The following LGALS3 variants were observed in gnomAD, a reference collection of about 807,000 sequenced individuals.
LGALS3 encodes the protein galectin-3.
In LGALS3, 18 loss-of-function variants were observed where a neutral mutation model predicts 20.7. That is an observed-to-expected ratio of 0.87 (90% confidence interval 0.60 to 1.29). LGALS3 has a LOEUF of 1.29. Ranked by LOEUF, LGALS3 falls within the 50% of genes most tolerant of loss-of-function variation. The probability of loss-of-function intolerance (pLI) is 0.00; values close to 1 mark genes in which losing one functional copy is unlikely to be tolerated. For synonymous variants in LGALS3, 112 were observed against 119.6 expected (o/e 0.94, Z 0.42); for missense variants, 315 against 314.7 (o/e 1.00, Z -0.01).
intron 5 of LGALS3, 74 bp from the exon 6 acceptor site, chr14:55,145,042 T>C: frequency 8.6e-7 from 1 of 1,165,488 alleles, no homozygotes; most frequent in Non-Finnish European, 1.3e-6. Context: ...GAAATATGTA[T>C]ATATTGTGGA....
chr14:55,137,634 G>T, intron 2 of LGALS3: 1 of 1,436,308 alleles, frequency 7.0e-7, no homozygotes, highest in South Asian at 1.5e-5. Flanking sequence ...AAGGCCCAGG[G>T]CGGAAGGGAG....
In LGALS3 at chr14:55,138,341, C is replaced by T. The variant is rs772897735; in HGVS notation, c.315C>T (p.Gly105=). Residue 105 remains glycine, a synonymous_variant, in exon 3 of 6, where the codon GGC becomes GGT. Coordinates refer to ENST00000254301, the MANE Select transcript of LGALS3 (RefSeq NM_002306.4). ...CCACCGGAGCCTACCCTGCCACTGG[C>T]CCCTATGGCGCCCCTGCTGGGCCAC... ...PSATGAYPAT[G]PYGAPAGPLI... The T allele has an allele frequency of 8.7e-6, 14 of 1,612,752 alleles. No individual in the cohort carries two copies. The highest frequency in any genetic ancestry group is 3.3e-5 in the Admixed American group (2 of 59,980).
intron 1 of LGALS3, among the ~76,000 whole-genome samples, chr14:55,135,560 G>GTTTTTTTTT (rs762172869): frequency 3.8e-5 from 4 of 106,566 alleles, no homozygotes; most frequent in African/African-American, 1.3e-4. Flanking sequence ...ATATTTTATG[G>GTTTTTTTTT]TTTTTTTTTT....
In LGALS3 at chr14:55,138,107, GA is replaced by G. The variant is rs1322142149; in HGVS notation, c.83del (p.Asn28ThrfsTer87). 6.5e-7 allele frequency: 1 copy of G among 1,539,292 alleles called. No homozygotes were observed. The highest frequency in any genetic ancestry group is 8.7e-7 in the Non-Finnish European group (1 of 1,147,170). ...CTCAAGGATGGCCTGGCGCATGGGG[GA>G]ACCAGCCTGCTGGGGCAGGGGGCTA... ...NPQGWPGAWGNQPAGAGGYPG... is the reference protein window; with the variant it reads ...NPQGWPGAWGXQPAGAGGYPG... On this transcript the variant is annotated frameshift_variant, in exon 3 of 6. Transcript: ENST00000254301. LOFTEE classifies it high-confidence loss of function.
Position 55,145,327 on chromosome 14 carries a change from G to T in LGALS3, c.*56G>T. 2 of 1,606,324 alleles carry T rather than the reference G, an allele frequency of 1.2e-6. No homozygotes were observed. The highest frequency in any genetic ancestry group is 1.7e-6 in the Non-Finnish European group (2 of 1,177,932). On this transcript the variant is annotated 3_prime_UTR_variant, in exon 6 of 6. Coordinates refer to ENST00000254301, the MANE Select transcript of LGALS3 (RefSeq NM_002306.4). ...GAATCTAAACCTTACATGTGTAAAG[G>T]TTTCATGTTCACTGTGAGTGAAAAT... is the stretch of plus-strand genomic sequence containing the variant.
chr14:55,137,504 C>A, intron 2 of LGALS3, 113 bp downstream of exon 2: 1 of 1,607,766 alleles, frequency 6.2e-7, no homozygotes. Flanking sequence ...GTGGCTTCCC[C>A]TGGACTCATT....
At chr14:55,143,609 A>T (rs547547001) in intron 5 of LGALS3, 2 of 204,482 alleles carry the variant, frequency 9.8e-6, no homozygotes, top group Non-Finnish European at 2.1e-5. Context: ...TTCTGTAGAG[A>T]CGGGGTTTCA....
intron 4 of LGALS3, 124 bp from the exon 5 acceptor site, chr14:55,142,460 T>A: frequency 3.1e-6 from 2 of 642,010 alleles, no homozygotes; most frequent in Non-Finnish European, 5.2e-6. Context: ...TTGCTTTCCA[T>A]TCAGAAAAAT....
chr14:55,142,789 T>G, intron 5 of LGALS3, 40 bp downstream of exon 5: 1 of 1,503,546 alleles, frequency 6.7e-7, no homozygotes, highest in Non-Finnish European at 9.2e-7. Flanking sequence ...AATGTATATT[T>G]CTCATGAGGA....
chr14:55,136,568 G>A (rs1217832906), intron 1 of LGALS3, among the ~76,000 whole-genome samples: 1 of 151,470 alleles, frequency 6.6e-6, no homozygotes, highest in East Asian at 1.9e-4. Flanking sequence ...ATATATTTAT[G>A]GCATACGTTA....
At chr14:55,139,981 T>G (rs1446785551) in intron 3 of LGALS3, among the ~76,000 whole-genome samples, 1 of 152,194 alleles carries the variant, frequency 6.6e-6, no homozygotes. Context: ...AATGTTAATG[T>G]TGATCACAAG....
At chr14:55,130,854 G>A (rs1881213350) in intron 1 of LGALS3, among the ~76,000 whole-genome samples, 1 of 152,050 alleles carries the variant, frequency 6.6e-6, no homozygotes. Context: ...GATTATAGGC[G>A]TGGGCCACTG....
intron 3 of LGALS3, among the ~76,000 whole-genome samples, chr14:55,138,638 T>G (rs1421437001): frequency 2.0e-5 from 3 of 152,202 alleles, no homozygotes; most frequent in African/African-American, 7.2e-5. Flanking sequence ...TATTAACACT[T>G]ACGGAGTACA....
intron 1 of LGALS3, among the ~76,000 whole-genome samples, chr14:55,132,935 T>C (rs1881273497): frequency 6.6e-6 from 1 of 152,240 alleles, no homozygotes; most frequent in South Asian, 2.1e-4. Flanking sequence ...TTTGGAAAAG[T>C]ACACTTTATT....
intron 1 of LGALS3, 143 bp from the exon 2 acceptor site, chr14:55,137,227 A>T: frequency 7.3e-6 from 6 of 821,632 alleles, no homozygotes; most frequent in South Asian, 7.0e-5. Flanking sequence ...CCTTGAAGAG[A>T]TGTTTTTGTG....
rs1252849912 is a variant in LGALS3 at position 55,138,290 on chromosome 14, C to T, written c.264C>T (p.Ala88=). 1.2e-6 allele frequency: 2 copies of T among 1,612,768 alleles called. No homozygotes were observed. Among genetic ancestry groups the T allele is most frequent in the East Asian group, 4.5e-5 (2 of 44,874 alleles). Reference sequence around the variant, plus strand: ...CAGGGCCACCCAGCGGCCCTGGGGCCTACCCATCTTCTGGACAGCCAAGTG... The same window carrying T: ...CAGGGCCACCCAGCGGCCCTGGGGCTTACCCATCTTCTGGACAGCCAAGTG... ...VYPGPPSGPG[A]YPSSGQPSAT... is the part of the protein sequence containing the mutation. The change falls in exon 3 of 6, where the codon GCC becomes GCT. Residue 88 remains alanine (A), a synonymous_variant. Transcript: ENST00000254301.
In LGALS3 at chr14:55,138,258, G is replaced by A; in HGVS notation, c.232G>A (p.Val78Ile). ...TTATCCCGGAGCACCTGCACCTGGA[G>A]TCTACCCAGGGCCACCCAGCGGCCC... ...GAYPGAPAPG[V>I]YPGPPSGPGA... The change falls in exon 3 of 6, where the codon GTC becomes ATC. Residue 78 changes from valine to isoleucine, a missense_variant. Transcript: ENST00000254301. 3 of 1,613,142 alleles carry A rather than the reference G, an allele frequency of 1.9e-6. No individual in the cohort carries two copies. Among genetic ancestry groups the A allele is most frequent in the Non-Finnish European group, 1.7e-6 (2 of 1,179,900 alleles).
intron 2 of LGALS3, chr14:55,137,779 C>G: frequency 7.7e-7 from 1 of 1,302,940 alleles, no homozygotes; most frequent in Non-Finnish European, 9.7e-7. Context: ...AGCGCTAACT[C>G]CTGACTTGAG....
chr14:55,132,228 T>C (rs553193693), intron 1 of LGALS3, among the ~76,000 whole-genome samples: 19 of 152,366 alleles, frequency 1.2e-4, no homozygotes, highest in African/African-American at 4.6e-4. Flanking sequence ...GAAGCTACAC[T>C]GAACTGCTTA....
Sources: allele counts gnomAD v4.1 joint callset (sites outside exome capture counted in the v4.1 genomes callset), GRCh38; gene constraint gnomAD v4.1.1; transcripts MANE v1.5; gene names NCBI Gene and HGNC (gene_info 2026-07-23, HGNC 2026-07-21).